INTS7: variants seen among roughly 807,000 people sequenced by gnomAD.
The protein encoded by INTS7 is integrator complex subunit 7.
A neutral mutation model predicts 109.2 loss-of-function variants in INTS7; 46 were observed. The ratio of observed to expected loss-of-function variants is 0.42; its 90% confidence interval spans 0.33 to 0.54. INTS7 has a LOEUF of 0.54. Ranked by LOEUF, INTS7 falls within the 20% of genes least tolerant of loss-of-function variation. The probability of loss-of-function intolerance (pLI) is 0.07; values close to 1 mark genes in which losing one functional copy is unlikely to be tolerated. For missense variants in INTS7, 929 were observed against 1,132.4 expected, an observed-to-expected ratio of 0.82 and a Z score of 2.58; for synonymous variants, 412 against 402.9, an observed-to-expected ratio of 1.02 and a Z score of -0.27.
chr1:211,984,760 C>T (rs1428818969), intron 8 of INTS7, among the ~76,000 whole-genome samples: 1 of 152,156 alleles, frequency 6.6e-6, no homozygotes, highest in African/African-American at 2.4e-5. Flanking sequence ...CATAAATTTA[C>T]AAGCACATTT....
rs1662657114 is a variant in INTS7 at position 211,942,083 on chromosome 1, A to C, written c.2630T>G (p.Met877Arg). The change falls in exon 20 of 20, where the codon ATG becomes AGG. Residue 877 changes from methionine to arginine, a missense_variant. Met to Arg is a moderately conservative substitution (Grantham distance 91). Transcript: ENST00000366994. This position sits in a 1 kb window ranked among gnomAD's most constrained non-coding sequence, Gnocchi z 4.2. ...KIPIDNMTNE[M>R]EQRVEPHNDY... Reference sequence around the variant, plus strand: ...ATTATGAGGTTCAACCCTTTGCTCCATCTCATTGGTCATGTTGTCAATGGG... The same window carrying C: ...ATTATGAGGTTCAACCCTTTGCTCCCTCTCATTGGTCATGTTGTCAATGGG... The C allele has an allele frequency of 6.2e-7, 1 of 1,614,030 alleles. No homozygotes were observed. The highest frequency in any genetic ancestry group is 1.1e-5 in the South Asian group (1 of 91,066).
intron 5 of INTS7, among the ~76,000 whole-genome samples, chr1:212,010,237 G>C (rs544361690): frequency 1.3e-5 from 2 of 152,330 alleles, no homozygotes; most frequent in Admixed American, 1.3e-4. Flanking sequence ...GTGTTCTCTA[G>C]AGTCAGGCAA....
intron 7 of INTS7, among the ~76,000 whole-genome samples, chr1:212,005,731 A>G (rs1665876114): frequency 6.6e-6 from 1 of 152,178 alleles, no homozygotes; most frequent in Admixed American, 6.5e-5. Flanking sequence ...AGAGGACAGA[A>G]GCTCTCTTAA....
At chr1:212,003,137 G>A (rs746739578) in intron 7 of INTS7, among the ~76,000 whole-genome samples, 6 of 151,844 alleles carry the variant, frequency 4.0e-5, no homozygotes, top group Admixed American at 1.3e-4. Context: ...AAGAGACAGC[G>A]GCAATATCTG....
intron 16 of INTS7, among the ~76,000 whole-genome samples, chr1:211,962,611 A>C (rs558186017): frequency 6.6e-6 from 1 of 152,334 alleles, no homozygotes; most frequent in Admixed American, 6.5e-5. Flanking sequence ...CATACTCTAA[A>C]ATCAGCCACA....
chr1:212,019,559 A>C (rs1005956975), intron 3 of INTS7, among the ~76,000 whole-genome samples: 3 of 152,232 alleles, frequency 2.0e-5, no homozygotes, highest in African/African-American at 7.2e-5. Flanking sequence ...AGTTATAGAT[A>C]TGATACTATA....
intron 7 of INTS7, among the ~76,000 whole-genome samples, chr1:211,998,640 T>C (rs1665519181): frequency 1.3e-5 from 2 of 150,798 alleles, no homozygotes; most frequent in South Asian, 4.1e-4. Context: ...GCAGACTTCT[T>C]AGATAAAATA....
At chr1:211,979,796 C>A (rs1664574899) in intron 10 of INTS7, among the ~76,000 whole-genome samples, 1 of 152,190 alleles carries the variant, frequency 6.6e-6, no homozygotes, top group African/African-American at 2.4e-5. Context: ...TAATTCGATT[C>A]CATCTTTCAC....
chr1:211,940,997 A>G lies in INTS7; in HGVS notation c.*827T>C, dbSNP rs1208048591. 9.2e-5 allele frequency: 14 copies of G among 152,272 alleles called. No individual in the cohort carries two copies. The highest frequency in any genetic ancestry group is 9.2e-4 in the Admixed American group (14 of 15,290). 9.4% of individuals were successfully genotyped at this position (152,272 alleles called of 1,614,324 possible). On this transcript the variant is annotated 3_prime_UTR_variant, in exon 20 of 20. Coordinates refer to ENST00000366994, the MANE Select transcript of INTS7 (RefSeq NM_015434.4). Reference sequence around the variant, plus strand: ...AGACTGCTTTAGCACAGGAAGAGATAAATATGTGGTTGAACTAATACAGCA... The same window carrying G: ...AGACTGCTTTAGCACAGGAAGAGATGAATATGTGGTTGAACTAATACAGCA...
chr1:212,003,193 A>G (rs1665753646), intron 7 of INTS7, among the ~76,000 whole-genome samples: 2 of 152,058 alleles, frequency 1.3e-5, no homozygotes, highest in Non-Finnish European at 2.9e-5. Flanking sequence ...AAAGACACCA[A>G]TCTTCTGATT....
At position 211,998,281 on chromosome 1, in the gene INTS7, G is replaced by A. The variant is rs114746444; in HGVS notation, c.879+8358C>T. On this transcript the variant is annotated intron_variant, in intron 7 of 19. Coordinates refer to ENST00000366994, the MANE Select transcript of INTS7 (RefSeq NM_015434.4). ...ACATCCCACCCAGCGTAACAATTTC[G>A]AAAAAGAAATACAAAGGTAGGGGAC... is the stretch of plus-strand genomic sequence containing the variant. 3.5e-3 allele frequency among the ~76,000 whole-genome samples: 532 copies of A among 152,158 alleles called. 3 individuals are homozygous for A. The highest frequency in any genetic ancestry group is 0.012 in the African/African-American group (516 of 41,518).
chr1:212,014,817 T>G (rs571864101), intron 4 of INTS7, among the ~76,000 whole-genome samples: 2 of 152,326 alleles, frequency 1.3e-5, no homozygotes, highest in South Asian at 4.1e-4. Context: ...GGTGCCGGGA[T>G]TGCAGACGGA....
intron 13 of INTS7, among the ~76,000 whole-genome samples, chr1:211,973,971 A>T (rs980846640): frequency 6.6e-6 from 1 of 152,180 alleles, no homozygotes; most frequent in Admixed American, 6.5e-5. Context: ...TTCCTGTATC[A>T]GAATTCAATC....
chr1:211,978,269 T>G lies in INTS7; in HGVS notation c.1470+3A>C. The stretch of plus-strand genomic sequence containing the variant: ...CAAAGGAGATTCAAAATGGGCTTTT[T>G]ACCAGAAGTTCTTGTTGCTTGTCTG... On this transcript the variant is annotated splice_donor_region_variant and intron_variant, in intron 11 of 19. Transcript: ENST00000366994. 1 of 1,614,046 alleles carries G rather than the reference T, an allele frequency of 6.2e-7. No individual in the cohort carries two copies.
chr1:212,019,627 A>T (rs1208712791), intron 3 of INTS7, among the ~76,000 whole-genome samples: 2 of 152,220 alleles, frequency 1.3e-5, no homozygotes, highest in Non-Finnish European at 2.9e-5. Flanking sequence ...TACAAAATGA[A>T]ATTCTAACAA....
chr1:211,971,260 G>C (rs1047824112), intron 13 of INTS7, among the ~76,000 whole-genome samples: 3 of 152,146 alleles, frequency 2.0e-5, no homozygotes, highest in Admixed American at 2.0e-4. Flanking sequence ...ATATCCCCTG[G>C]AGGATAAAAC....
chr1:211,953,713 C>A (rs994728110), intron 16 of INTS7, among the ~76,000 whole-genome samples: 27 of 151,446 alleles, frequency 1.8e-4, no homozygotes, highest in Non-Finnish European at 3.1e-4. Flanking sequence ...ATCCATGTCC[C>A]TACAAAGGAC....
chr1:212,000,601 C>T (rs946040759), intron 7 of INTS7, among the ~76,000 whole-genome samples: 1 of 152,154 alleles, frequency 6.6e-6, no homozygotes, highest in African/African-American at 2.4e-5. Context: ...TGCCAGACAC[C>T]ACATTATATA....
chr1:211,964,042 G>T (rs1222464180), intron 16 of INTS7, among the ~76,000 whole-genome samples: 3 of 152,016 alleles, frequency 2.0e-5, no homozygotes, highest in South Asian at 4.2e-4. Context: ...AAGAAGAGAG[G>T]AAGTCCAACT....
Sources: allele counts gnomAD v4.1 joint callset (sites outside exome capture counted in the v4.1 genomes callset), GRCh38; gene constraint gnomAD v4.1.1; non-coding constraint Gnocchi (gnomAD v3.1); transcripts MANE v1.5; gene names NCBI Gene and HGNC (gene_info 2026-07-23, HGNC 2026-07-21).